SEMA3E: variants seen among roughly 807,000 people sequenced by gnomAD.
SEMA3E encodes semaphorin-3E.
In SEMA3E, 49 loss-of-function variants were observed where a neutral mutation model predicts 93.6. That is an observed-to-expected ratio of 0.52 (90% CI 0.42 to 0.66). SEMA3E has a LOEUF of 0.66. Among genes scored for constraint, SEMA3E ranks in the 30% least tolerant of loss-of-function variants. The pLI is 0.00. For synonymous variants in SEMA3E, 363 were observed against 330.7 expected, an observed-to-expected ratio of 1.10 and a Z score of -1.06; for missense variants, 906 against 964.8, an observed-to-expected ratio of 0.94 and a Z score of 0.81.
chr7:83,526,954 A>ACCCC (rs1456724727), intron 1 of SEMA3E, among the ~76,000 whole-genome samples: 2 of 151,414 alleles, frequency 1.3e-5, no homozygotes, highest in African/African-American at 4.9e-5. Flanking sequence ...TCAAGCCCCA[A>ACCCC]CCCCCAGCTT....
At chr7:83,498,240 T>C (rs1349740968) in intron 1 of SEMA3E, among the ~76,000 whole-genome samples, 1 of 152,044 alleles carries the variant, frequency 6.6e-6, no homozygotes, top group African/African-American at 2.4e-5. Flanking sequence ...GATTCAAAGG[T>C]TATATATACT....
chr7:83,470,850 C>A (rs988832724), intron 2 of SEMA3E, among the ~76,000 whole-genome samples: 20 of 130,488 alleles, frequency 1.5e-4, no homozygotes, highest in Non-Finnish European at 2.4e-4. Context: ...AGGTGTGGTT[C>A]CCCCACATTT....
intron 1 of SEMA3E, among the ~76,000 whole-genome samples, chr7:83,520,011 T>G (rs1326159331): frequency 6.6e-6 from 1 of 152,132 alleles, no homozygotes; most frequent in Non-Finnish European, 1.5e-5. Flanking sequence ...TATAAATATA[T>G]GAACAATTAA....
In SEMA3E at chr7:83,575,560, T is replaced by G. The variant is rs373952519; in HGVS notation, c.115+72868A>C. 2.4e-4 allele frequency among the ~76,000 whole-genome samples: 36 copies of G among 152,254 alleles called. No individual in the cohort carries two copies. The East Asian group carries it at 5.8e-3, about 24-fold the overall frequency. ...TTTCTACCCATTTTGAGTTTTAATA[T>G]ACAAAGCTCTCACAAAAAAACTATT... On this transcript the variant is annotated intron_variant, in intron 1 of 16. Coordinates refer to ENST00000643230, the MANE Select transcript of SEMA3E (RefSeq NM_012431.3).
rs994787412 is a variant in SEMA3E, at chr7:83,434,677, G to C, written c.457-16194C>G. 3.3e-5 allele frequency among the ~76,000 whole-genome samples: 5 copies of C among 150,212 alleles called. No homozygotes were observed. In the East Asian group the frequency reaches 9.9e-4, roughly 30 times the overall value. ...ACACTTTGGCAGAATTGGCTAATTT[G>C]AGGATAGATTTATTTATCCTCAACT... is the stretch of plus-strand genomic sequence containing the variant. On this transcript the variant is annotated intron_variant, in intron 4 of 16. Transcript: ENST00000643230.
In SEMA3E at chr7:83,364,369, TTAAC is replaced by T. The variant is rs1794635424; in HGVS notation, c.*3213_*3216del. The stretch of plus-strand genomic sequence containing the variant: ...CACTCATTACAAACATTCTAAGTAT[TTAAC>T]TAATTTTAGATAGAAAAAACTCTAA... On this transcript the variant is annotated 3_prime_UTR_variant, in exon 17 of 17. Transcript: ENST00000643230. The T allele has an allele frequency of 6.6e-6, 1 of 152,200 alleles. No individual in the cohort carries two copies. Among genetic ancestry groups the T allele is most frequent in the Non-Finnish European group, 1.5e-5 (1 of 68,034 alleles). The allele number at this position is 152,200 out of a possible 1,614,324, so 9.4% of individuals were successfully genotyped here. A position where few individuals can be genotyped will look rare whatever the true frequency, so the allele number is the denominator to read the frequency against.
chr7:83,560,179 A>G (rs1171824107), intron 1 of SEMA3E, among the ~76,000 whole-genome samples: 4 of 152,054 alleles, frequency 2.6e-5, no homozygotes, highest in Non-Finnish European at 4.4e-5. Flanking sequence ...CTCACCGAAT[A>G]TACACCAGCA....
intron 1 of SEMA3E, among the ~76,000 whole-genome samples, chr7:83,511,334 T>C (rs1790814775): frequency 6.6e-6 from 1 of 151,920 alleles, no homozygotes; most frequent in Non-Finnish European, 1.5e-5. Context: ...ATGAAAAGAT[T>C]CAAAGAAATG....
intron 4 of SEMA3E, among the ~76,000 whole-genome samples, chr7:83,427,578 G>A (rs778404340): frequency 1.3e-5 from 2 of 152,182 alleles, no homozygotes; most frequent in Non-Finnish European, 2.9e-5. Flanking sequence ...TATTTGCTTT[G>A]CATAGATCAA....
chr7:83,548,671 C>A (rs2115792404), intron 1 of SEMA3E, among the ~76,000 whole-genome samples: 1 of 152,188 alleles, frequency 6.6e-6, no homozygotes, highest in Admixed American at 6.6e-5. Context: ...CAATTCTCTG[C>A]CGTTTCTAAA....
At chr7:83,550,406 G>A (rs1360057804) in intron 1 of SEMA3E, among the ~76,000 whole-genome samples, 3 of 152,038 alleles carry the variant, frequency 2.0e-5, no homozygotes, top group Non-Finnish European at 2.9e-5. Context: ...GGCATGAACA[G>A]GCATTACTTC....
chr7:83,530,310 G>A (rs1791261780), intron 1 of SEMA3E, among the ~76,000 whole-genome samples: 1 of 152,112 alleles, frequency 6.6e-6, no homozygotes, highest in Non-Finnish European at 1.5e-5. Flanking sequence ...TAAATAACCA[G>A]TAGCAGAACA....
chr7:83,648,349 A>T (rs1794106689), intron 1 of SEMA3E, 79 bp downstream of exon 1: 2 of 1,060,732 alleles, frequency 1.9e-6, no homozygotes, highest in Non-Finnish European at 2.8e-6. Context: ...GCCTATGTTA[A>T]TGTTAAACGA....
chr7:83,407,504 A>G (rs1242160817), intron 6 of SEMA3E, among the ~76,000 whole-genome samples: 2 of 152,192 alleles, frequency 1.3e-5, no homozygotes, highest in African/African-American at 4.8e-5. Flanking sequence ...GAAGAATTTC[A>G]AACAACATGC....
chr7:83,513,618 G>A (rs181134623), intron 1 of SEMA3E, among the ~76,000 whole-genome samples: 1 of 152,198 alleles, frequency 6.6e-6, no homozygotes, highest in Admixed American at 6.5e-5. Context: ...CATTATCACT[G>A]GGTCTTCTTG....
At chr7:83,538,535 C>A (rs973495519) in intron 1 of SEMA3E, among the ~76,000 whole-genome samples, 7 of 152,118 alleles carry the variant, frequency 4.6e-5, no homozygotes, top group African/African-American at 1.7e-4. Flanking sequence ...TCCTCACCAA[C>A]CTCCAGTAGG....
intron 1 of SEMA3E, among the ~76,000 whole-genome samples, chr7:83,573,591 G>A (rs1301855842): frequency 6.6e-6 from 1 of 152,058 alleles, no homozygotes; most frequent in African/African-American, 2.4e-5. Flanking sequence ...TTTTATTGAA[G>A]CATAAATAAT....
At chr7:83,484,252 T>C (rs1790207327) in intron 2 of SEMA3E, among the ~76,000 whole-genome samples, 1 of 152,200 alleles carries the variant, frequency 6.6e-6, no homozygotes, top group Admixed American at 6.5e-5. Flanking sequence ...CCTCTCTAAA[T>C]TCACCTACTC....
chr7:83,608,675 T>A (rs778239594), intron 1 of SEMA3E, among the ~76,000 whole-genome samples: 1 of 152,144 alleles, frequency 6.6e-6, no homozygotes, highest in Non-Finnish European at 1.5e-5. Flanking sequence ...AGAAGCACTA[T>A]AATTTGAATT....
Sources: gnomAD v4.1 joint callset for allele counts (sites outside exome capture counted in the v4.1 genomes callset) on GRCh38, gnomAD v4.1.1 for gene constraint, MANE v1.5 for transcripts, NCBI Gene and HGNC (gene_info 2026-07-23, HGNC 2026-07-21) for gene names.